SHISA9: variants seen among roughly 807,000 people sequenced by gnomAD.
The protein encoded by SHISA9 is protein shisa-9.
A neutral mutation model predicts 38.0 loss-of-function variants in SHISA9; 13 were observed. That is an observed-to-expected ratio of 0.34 (90% CI 0.22 to 0.54). The LOEUF is 0.54. SHISA9 is among the 20% of genes least tolerant of loss of function. The pLI, the probability that SHISA9 is intolerant of heterozygous loss-of-function variation, is 0.91. For missense variants in SHISA9, 538 were observed against 575.8 expected (o/e 0.93, Z 0.67); for synonymous variants, 275 against 242.0 (o/e 1.14, Z -1.27).
the SHISA9 span, among the ~76,000 whole-genome samples, chr16:13,401,546 A>T: frequency 1.8e-4 from 28 of 152,340 alleles, no homozygotes; most frequent in African/African-American, 6.0e-4. Flanking sequence ...TAAAGATTAA[A>T]CAAGTCATAA....
chr16:13,176,591 G>A (rs561118630), intron 2 of SHISA9, among the ~76,000 whole-genome samples: 3 of 152,298 alleles, frequency 2.0e-5, no homozygotes, highest in East Asian at 1.9e-4. Context: ...CCAGGAACAC[G>A]GACCCACAGT....
intron 2 of SHISA9, among the ~76,000 whole-genome samples, chr16:13,069,377 T>A (rs987773153): frequency 9.2e-5 from 14 of 152,096 alleles, no homozygotes; most frequent in Non-Finnish European, 2.1e-4. Flanking sequence ...TACGTGTGTG[T>A]ACATGCAATG....
At chr16:13,512,887 A>G in the SHISA9 span, among the ~76,000 whole-genome samples, 5 of 152,192 alleles carry the variant, frequency 3.3e-5, no homozygotes, top group Non-Finnish European at 7.4e-5. Context: ...TAAATGTAAA[A>G]CCCAAAACTA....
At chr16:13,234,869 G>A (rs988119750) in intron 4 of SHISA9, among the ~76,000 whole-genome samples, 161 bp from the exon 5 acceptor site, 1 of 151,812 alleles carries the variant, frequency 6.6e-6, no homozygotes, top group African/African-American at 2.4e-5. Flanking sequence ...CCTTCCCTCT[G>A]TCTTGTTCTA....
chr16:13,041,250 G>A (rs995379520), intron 2 of SHISA9, among the ~76,000 whole-genome samples: 1 of 152,172 alleles, frequency 6.6e-6, no homozygotes, highest in Non-Finnish European at 1.5e-5. Flanking sequence ...TTTTCTCTCT[G>A]GGAAAATGGA....
At chr16:13,446,023 G>A in the SHISA9 span, among the ~76,000 whole-genome samples, 1 of 152,014 alleles carries the variant, frequency 6.6e-6, no homozygotes. Context: ...GCTCACCGCA[G>A]CCTCCGACTC....
chr16:13,501,393 A>C, the SHISA9 span, among the ~76,000 whole-genome samples: 1 of 152,190 alleles, frequency 6.6e-6, no homozygotes, highest in Non-Finnish European at 1.5e-5. Context: ...GGATGGAGCC[A>C]TGAAAGGAGT....
the SHISA9 span, among the ~76,000 whole-genome samples, chr16:13,493,672 T>A: frequency 0.28 from 43,106 of 151,302 alleles, 6,665 homozygotes; most frequent in East Asian, 0.37. Flanking sequence ...AAACAGTGGA[T>A]GCTTATTGCA....
At chr16:13,353,616 T>C in the SHISA9 span, among the ~76,000 whole-genome samples, 1 of 152,124 alleles carries the variant, frequency 6.6e-6, no homozygotes, top group East Asian at 1.9e-4. Flanking sequence ...GTCTGGTGTC[T>C]GGAATGAGAC....
chr16:13,370,374 T>C, the SHISA9 span, among the ~76,000 whole-genome samples: 1 of 152,296 alleles, frequency 6.6e-6, no homozygotes, highest in East Asian at 1.9e-4. Context: ...ACAAAGGTCC[T>C]GGAACAAGAA....
At chr16:12,992,162 A>G (rs1303062000) in intron 2 of SHISA9, among the ~76,000 whole-genome samples, 4 of 152,162 alleles carry the variant, frequency 2.6e-5, no homozygotes, top group Admixed American at 2.6e-4. Flanking sequence ...AACGCTGATA[A>G]GTTTGAGAAA....
chr16:13,420,209 G>A, the SHISA9 span, among the ~76,000 whole-genome samples: 1 of 113,572 alleles, frequency 8.8e-6, no homozygotes, highest in Admixed American at 1.4e-4. Context: ...TCGCACCACT[G>A]CACTCCAGCC....
At chr16:13,060,637 CAA>C (rs5815739) in intron 2 of SHISA9, among the ~76,000 whole-genome samples, 4,138 of 86,608 alleles carry the variant, frequency 0.048, 70 homozygotes, top group Admixed American at 0.071. Flanking sequence ...GACCCCATCT[CAA>C]AAAAAAAAAA....
At chr16:13,246,161 C>T in the SHISA9 span, among the ~76,000 whole-genome samples, 20,951 of 152,200 alleles carry the variant, frequency 0.14, 1,632 homozygotes, top group East Asian at 0.24. Context: ...TGAATTGTAG[C>T]TCCCGTAATT....
chr16:13,211,044 C>T (rs545279820), intron 3 of SHISA9, among the ~76,000 whole-genome samples: 1 of 152,292 alleles, frequency 6.6e-6, no homozygotes, highest in South Asian at 2.1e-4. Context: ...TGCCTATAAT[C>T]CCAGCAGTTT....
the SHISA9 span, among the ~76,000 whole-genome samples, chr16:13,449,392 T>TCTA: frequency 6.6e-6 from 1 of 152,218 alleles, no homozygotes; most frequent in Non-Finnish European, 1.5e-5. Context: ...TAGAAAAGTG[T>TCTA]TACTTTAAAA....
chr16:13,116,731 A>G (rs2074034247), intron 2 of SHISA9, among the ~76,000 whole-genome samples: 1 of 152,154 alleles, frequency 6.6e-6, no homozygotes, highest in Non-Finnish European at 1.5e-5. Flanking sequence ...TCTCTCTGAA[A>G]AATGGTGAAG....
At chr16:13,465,962 G>A in the SHISA9 span, among the ~76,000 whole-genome samples, 1 of 152,252 alleles carries the variant, frequency 6.6e-6, no homozygotes, top group Non-Finnish European at 1.5e-5. Context: ...TGCATGGCCT[G>A]AAAGGCCCAC....
chr16:13,007,572 G>T (rs1290158832), intron 2 of SHISA9, among the ~76,000 whole-genome samples: 1 of 152,124 alleles, frequency 6.6e-6, no homozygotes, highest in Non-Finnish European at 1.5e-5. Context: ...TGAAAAGCCT[G>T]AGGGCCTCCC....
Sources: gnomAD v4.1 joint callset for allele counts (sites outside exome capture counted in the v4.1 genomes callset) on GRCh38, gnomAD v4.1.1 for gene constraint, MANE v1.5 for transcripts, NCBI Gene and HGNC (gene_info 2026-07-23, HGNC 2026-07-21) for gene names.